RAB27B: variants seen among roughly 807,000 people sequenced by gnomAD.
RAB27B encodes ras-related protein Rab-27B.
RAB27B carries 15 observed loss-of-function variants against 24.6 expected under a neutral mutation model. The observed-to-expected ratio is 0.61, with a 90% CI of 0.41 to 0.94. The LOEUF is 0.94. RAB27B is among the 40% of genes least tolerant of loss of function. RAB27B has a pLI of 0.00. For synonymous variants in RAB27B, 105 were observed against 92.5 expected (o/e 1.14, Z -0.78); for missense variants, 261 against 266.8 (o/e 0.98, Z 0.15).
At chr18:54,879,006 A>G (rs1048251016) in intron 2 of RAB27B, among the ~76,000 whole-genome samples, 5 of 152,148 alleles carry the variant, frequency 3.3e-5, no homozygotes, top group African/African-American at 4.8e-5. Context: ...TAAATCAGGA[A>G]GGGGTTATGG....
chr18:54,811,761 T>C (rs1242970788), intron 2 of RAB27B, among the ~76,000 whole-genome samples: 2 of 152,178 alleles, frequency 1.3e-5, no homozygotes, highest in Non-Finnish European at 2.9e-5. Context: ...GTGGACAGAT[T>C]GTGAGGGAGG....
rs765258672 is a variant in RAB27B, at chr18:54,889,257, A to AAACAAGTG, written c.501_502insAACAAGTG (p.Gln168AsnfsTer10). Reference sequence around the variant, plus strand: ...ATTTTGAAACAAGTGCAGCAACTGGACAGAATGTGGAGAAAGCTGTAGAAA... The same window carrying AAACAAGTG: ...ATTTTGAAACAAGTGCAGCAACTGGAAACAAGTGCAGAATGTGGAGAAAGCTGTAGAAA... On this transcript the variant is annotated frameshift_variant, in exon 6 of 6. Coordinates refer to ENST00000262094, the MANE Select transcript of RAB27B (RefSeq NM_004163.4). LOFTEE classifies it high-confidence loss of function. The AAACAAGTG allele has an allele frequency of 6.2e-7, 1 of 1,611,678 alleles. No homozygotes were observed. The highest frequency in any genetic ancestry group is 8.5e-7 in the Non-Finnish European group (1 of 1,178,836).
chr18:54,825,011 G>GCA (rs1910427427), upstream of RAB27B, among the ~76,000 whole-genome samples: 1 of 152,048 alleles, frequency 6.6e-6, no homozygotes, highest in African/African-American at 2.4e-5. Context: ...CTTTAAAATG[G>GCA]CACACAGGAT....
intron 3 of RAB27B, chr18:54,879,697 C>T: frequency 2.2e-6 from 1 of 447,686 alleles, no homozygotes; most frequent in Non-Finnish European, 4.0e-6. Flanking sequence ...TCTTGCTATG[C>T]ACTGTCTTTG....
chr18:54,751,148 T>A (rs1283314412), intron 2 of RAB27B, among the ~76,000 whole-genome samples: 1 of 152,154 alleles, frequency 6.6e-6, no homozygotes. Flanking sequence ...CCAATTGGTT[T>A]AAGAAAGACA....
At chr18:54,888,196 T>G in intron 5 of RAB27B, 78 bp downstream of exon 5, 4 of 1,502,684 alleles carry the variant, frequency 2.7e-6, no homozygotes, top group Non-Finnish European at 3.6e-6. Context: ...TAGATTGATA[T>G]TAGAAGAAAT....
intron 2 of RAB27B, among the ~76,000 whole-genome samples, chr18:54,785,044 C>G (rs1479395975): frequency 2.0e-5 from 3 of 152,186 alleles, no homozygotes; most frequent in Non-Finnish European, 4.4e-5. Context: ...TCCTCCCAAC[C>G]TATCAGCCAG....
intron 2 of RAB27B, among the ~76,000 whole-genome samples, chr18:54,816,057 T>C (rs1396393915): frequency 6.6e-6 from 1 of 152,236 alleles, no homozygotes; most frequent in Non-Finnish European, 1.5e-5. Flanking sequence ...ATATAGTTTG[T>C]GTATGTGATG....
At chr18:54,735,777 C>A (rs994204314) in intron 2 of RAB27B, among the ~76,000 whole-genome samples, 1 of 152,160 alleles carries the variant, frequency 6.6e-6, no homozygotes, top group Non-Finnish European at 1.5e-5. Flanking sequence ...CCACCTTGGC[C>A]TCCCAAGGTG....
In RAB27B at chr18:54,725,214, G is replaced by T. The variant is rs1420433291; in HGVS notation, c.-20+7073G>T. 2.0e-5 allele frequency among the ~76,000 whole-genome samples: 3 copies of T among 151,400 alleles called. No homozygotes were observed. The East Asian group carries it at 5.8e-4, about 29-fold the overall frequency. On this transcript the variant is annotated intron_variant, in intron 2 of 4. Coordinates refer to the RAB27B transcript ENST00000586570. ...GAAAAATGGAAAGAGTGCCTTTCAA[G>T]GTTACCAGAAAGATTACATGAGATA... is the stretch of plus-strand genomic sequence containing the variant.
At chr18:54,731,857 G>A (rs1405380660) in intron 2 of RAB27B, among the ~76,000 whole-genome samples, 1 of 152,078 alleles carries the variant, frequency 6.6e-6, no homozygotes, top group Non-Finnish European at 1.5e-5. Flanking sequence ...TTATTTTGTA[G>A]GCTATTTTAA....
chr18:54,824,692 A>C (rs1910417846), upstream of RAB27B, among the ~76,000 whole-genome samples: 1 of 152,218 alleles, frequency 6.6e-6, no homozygotes, highest in Non-Finnish European at 1.5e-5. Flanking sequence ...CCCCACCTGC[A>C]AGGGGCTAAG....
rs1555663545 is a variant in RAB27B at position 54,850,357 on chromosome 18, TATAC to T, written c.-20+21669_-20+21672del. ...GGATATATATATATATATATATATATATACATACATACATATGTTTAGTTTTTTT... is the reference window on the plus strand; with the variant it reads ...GGATATATATATATATATATATATATATACATACATATGTTTAGTTTTTTT... On this transcript the variant is annotated intron_variant, in intron 1 of 5. Transcript: ENST00000262094. Among the ~76,000 whole-genome samples, 138 of 130,222 alleles carry T rather than the reference TATAC, an allele frequency of 1.1e-3. 1 individual carries two copies. Among genetic ancestry groups the T allele is most frequent in the African/African-American group, 3.4e-3 (110 of 31,912 alleles). 85.4% of individuals were successfully genotyped at this position (130,222 alleles called of 152,430 possible).
intron 4 of RAB27B, among the ~76,000 whole-genome samples, chr18:54,885,540 C>T (rs1913099891): frequency 6.6e-6 from 1 of 152,084 alleles, no homozygotes; most frequent in Admixed American, 6.6e-5. Flanking sequence ...CATTTACAGC[C>T]CTGTGCTAGT....
At chr18:54,792,434 G>A (rs779581624) in intron 2 of RAB27B, among the ~76,000 whole-genome samples, 6 of 152,206 alleles carry the variant, frequency 3.9e-5, no homozygotes, top group Middle Eastern at 3.4e-3. Flanking sequence ...TGTGTGCCAC[G>A]CGCCTTAGTC....
chr18:54,846,088 T>C (rs990125188), intron 1 of RAB27B, among the ~76,000 whole-genome samples: 2 of 152,194 alleles, frequency 1.3e-5, no homozygotes, highest in African/African-American at 4.8e-5. Context: ...GGTTTCTCTG[T>C]TTAAAATGTC....
chr18:54,776,783 G>A (rs909602886), intron 2 of RAB27B, among the ~76,000 whole-genome samples: 1 of 152,180 alleles, frequency 6.6e-6, no homozygotes, highest in Non-Finnish European at 1.5e-5. Context: ...CTCGGGCCTG[G>A]CATGGTCAGG....
intron 2 of RAB27B, among the ~76,000 whole-genome samples, chr18:54,794,652 G>T (rs965940700): frequency 6.6e-6 from 1 of 152,156 alleles, no homozygotes; most frequent in Admixed American, 6.5e-5. Context: ...GGAAGTTCAC[G>T]TAAAAAATCT....
intron 1 of RAB27B, among the ~76,000 whole-genome samples, chr18:54,834,034 T>C (rs1230483983): frequency 6.6e-6 from 1 of 152,188 alleles, no homozygotes; most frequent in African/African-American, 2.4e-5. Context: ...ACCCTCAAGC[T>C]CTCATCCAAA....
Sources: allele counts gnomAD v4.1 joint callset (sites outside exome capture counted in the v4.1 genomes callset), GRCh38; gene constraint gnomAD v4.1.1; transcripts MANE v1.5; gene names NCBI Gene and HGNC (gene_info 2026-07-23, HGNC 2026-07-21).